The following PDE2A variants were observed in gnomAD, a reference collection of about 807,000 sequenced individuals.
PDE2A encodes cGMP-dependent 3',5'-cyclic phosphodiesterase.
A neutral mutation model predicts 133.6 loss-of-function variants in PDE2A; 53 were observed. The ratio of observed to expected loss-of-function variants is 0.40; its 90% CI spans 0.32 to 0.50. The LOEUF is 0.50. Ranked by LOEUF, PDE2A falls within the 20% of genes least tolerant of loss-of-function variation. The pLI is 0.73. For missense variants in PDE2A, 796 were observed against 1,232.4 expected (o/e 0.65, Z 5.30); for synonymous variants, 491 against 490.2 (o/e 1.00, Z -0.02).
chr11:72,653,215 C>T (rs1381660160), intron 1 of PDE2A, among the ~76,000 whole-genome samples: 2 of 152,144 alleles, frequency 1.3e-5, no homozygotes, highest in Non-Finnish European at 1.5e-5. Context: ...TGCTGCCTGG[C>T]TGGGCTCTCG....
At chr11:72,579,887 T>G (rs2094867447) in intron 25 of PDE2A, 1 of 437,242 alleles carries the variant, frequency 2.3e-6, no homozygotes, top group African/African-American at 2.0e-5. Context: ...AGCTGGAACA[T>G]TTTTGAAATG....
At chr11:72,580,845 C>A (rs755992296) in intron 24 of PDE2A, 41 bp downstream of exon 24, 8 of 1,261,356 alleles carry the variant, frequency 6.3e-6, no homozygotes, top group Non-Finnish European at 8.2e-6. Context: ...CTCCCAGACA[C>A]CCCATGGAGG....
intron 2 of PDE2A, among the ~76,000 whole-genome samples, chr11:72,640,380 A>G: frequency 6.7e-6 from 1 of 148,776 alleles, no homozygotes; most frequent in Non-Finnish European, 1.5e-5. Flanking sequence ...CTCCCACCCC[A>G]CCCCATTCCC....
intron 13 of PDE2A, among the ~76,000 whole-genome samples, chr11:72,586,666 G>C (rs781135188): frequency 6.6e-6 from 1 of 152,212 alleles, no homozygotes; most frequent in Non-Finnish European, 1.5e-5. Context: ...CATGGAGCTA[G>C]CTCTGGTGAG....
At chr11:72,625,269 C>T (rs1293179977) in intron 2 of PDE2A, among the ~76,000 whole-genome samples, 2 of 152,256 alleles carry the variant, frequency 1.3e-5, no homozygotes, top group Non-Finnish European at 2.9e-5. Context: ...TGTGTCTGCA[C>T]TGGTGCTGGC....
At chr11:72,599,541 C>T (rs977808658) in intron 4 of PDE2A, among the ~76,000 whole-genome samples, 1 of 152,194 alleles carries the variant, frequency 6.6e-6, no homozygotes, top group Non-Finnish European at 1.5e-5. Context: ...TCTCTCACAA[C>T]TGTCCTCTGC....
rs573610139 is a variant in PDE2A at position 72,612,863 on chromosome 11, A to G, written c.145-4112T>C. On this transcript the variant is annotated intron_variant, in intron 2 of 30. Transcript: ENST00000334456. ...GACTTAGCTTTCATTCACCCCAGGT[A>G]CCAAGAAAGGGGAGCCTGTTCTGAG... Among the ~76,000 whole-genome samples, 5 of 152,338 alleles carry G rather than the reference A, an allele frequency of 3.3e-5. No homozygotes were observed. The East Asian group carries it at 9.6e-4, about 29-fold the overall frequency.
intron 12 of PDE2A, 22 bp from the exon 13 acceptor site, chr11:72,588,936 G>A: frequency 6.3e-7 from 1 of 1,590,284 alleles, no homozygotes; most frequent in Non-Finnish European, 8.6e-7. Flanking sequence ...AGGCAAGTCA[G>A]GGCAGGGAAG....
At chr11:72,670,447 T>C (rs1053248670) in intron 1 of PDE2A, among the ~76,000 whole-genome samples, 1 of 152,184 alleles carries the variant, frequency 6.6e-6, no homozygotes, top group Non-Finnish European at 1.5e-5. Context: ...ACAGTGCCTC[T>C]GCCTCCAATT....
chr11:72,647,104 A>T (rs1859147434), intron 1 of PDE2A, among the ~76,000 whole-genome samples: 1 of 152,074 alleles, frequency 6.6e-6, no homozygotes, highest in Admixed American at 6.5e-5. Context: ...GTGCCCAGTG[A>T]GCTCTGGTGA....
At chr11:72,619,924 C>A (rs913989628) in intron 2 of PDE2A, among the ~76,000 whole-genome samples, 1 of 152,094 alleles carries the variant, frequency 6.6e-6, no homozygotes, top group East Asian at 1.9e-4. Context: ...TAAGCTGAGC[C>A]ATCAAACCTT....
intron 6 of PDE2A, 66 bp from the exon 7 acceptor site, chr11:72,591,422 T>A: frequency 5.6e-6 from 7 of 1,251,888 alleles, no homozygotes; most frequent in Non-Finnish European, 8.2e-6. Context: ...CAGAGTGCCC[T>A]CCCCATGCGC....
At chr11:72,631,055 T>C in intron 2 of PDE2A, 1 of 898,622 alleles carries the variant, frequency 1.1e-6, no homozygotes, top group Non-Finnish European at 1.6e-6. Context: ...GCCCACCCAC[T>C]TCTCCCTCCA....
intron 2 of PDE2A, among the ~76,000 whole-genome samples, chr11:72,610,821 C>T (rs1218399582): frequency 6.6e-6 from 1 of 152,220 alleles, no homozygotes; most frequent in Non-Finnish European, 1.5e-5. Context: ...AGACACCATC[C>T]ATGTGCGCAC....
intron 2 of PDE2A, among the ~76,000 whole-genome samples, chr11:72,629,052 A>C (rs1279778329): frequency 2.0e-5 from 3 of 152,164 alleles, no homozygotes; most frequent in Non-Finnish European, 4.4e-5. Context: ...TTTGGGGATG[A>C]GTGTGGGGAT....
At chr11:72,581,516 C>G in intron 22 of PDE2A, 37 bp from the exon 23 acceptor site, 2 of 1,561,092 alleles carry the variant, frequency 1.3e-6, no homozygotes. Context: ...GGGCCTCAGC[C>G]TCTCCTCCTC....
intron 2 of PDE2A, among the ~76,000 whole-genome samples, chr11:72,612,559 A>G (rs1857260137): frequency 6.6e-6 from 1 of 152,126 alleles, no homozygotes; most frequent in African/African-American, 2.4e-5. Flanking sequence ...TGTCATTACT[A>G]AAAAATGGAT....
Position 72,580,510 on chromosome 11 carries a change from G to C in PDE2A, c.2181+67C>G, listed in dbSNP as rs936918731. Reference sequence around the variant, plus strand: ...CATGGTTTGGGAATAGGAGGAGCTGGGTCATAACTTTGCAAGTCACTGGCC... The same window carrying C: ...CATGGTTTGGGAATAGGAGGAGCTGCGTCATAACTTTGCAAGTCACTGGCC... On this transcript the variant is annotated intron_variant, in intron 25 of 30. Transcript: ENST00000334456. The C allele has an allele frequency of 1.9e-4, 217 of 1,169,606 alleles. 2 individuals carry two copies. The Admixed American group carries it at 4.3e-3, about 23-fold the overall frequency. The allele number at this position is 1,169,606 out of a possible 1,614,324, so 72.5% of individuals were successfully genotyped here.
At chr11:72,626,895 T>A (rs1858105440) in intron 2 of PDE2A, among the ~76,000 whole-genome samples, 1 of 152,216 alleles carries the variant, frequency 6.6e-6, no homozygotes, top group Non-Finnish European at 1.5e-5. Context: ...CCTCTGGGGC[T>A]GAGTCCTTGC....
Sources: allele counts gnomAD v4.1 joint callset (sites outside exome capture counted in the v4.1 genomes callset), GRCh38; gene constraint gnomAD v4.1.1; transcripts MANE v1.5; gene names NCBI Gene and HGNC (gene_info 2026-07-23, HGNC 2026-07-21).